SLCO1B1: variants seen among roughly 807,000 people sequenced by gnomAD.
SLCO1B1 encodes the protein solute carrier organic anion transporter family member 1B1, also known as OATP-2.
SLCO1B1 carries 81 observed loss-of-function variants against 70.1 expected under a neutral mutation model. The observed-to-expected ratio is 1.16, with a 90% CI of 0.97 to 1.39. The LOEUF is 1.39. SLCO1B1 is among the 40% of genes most tolerant of loss of function. SLCO1B1 has a pLI of 0.00. For missense variants in SLCO1B1, 895 were observed against 799.6 expected (o/e 1.12, Z -1.44); for synonymous variants, 283 against 271.5 (o/e 1.04, Z -0.42).
Position 21,174,507 on chromosome 12 carries a change from T to G in SLCO1B1, c.227-70T>G, listed in dbSNP as rs1355620025. 4.2e-5 allele frequency: 62 copies of G among 1,478,492 alleles called. 1 individual carries two copies. The Middle Eastern group carries it at 6.8e-4, about 16-fold the overall frequency. The allele number at this position is 1,478,492 out of a possible 1,614,324, so 91.6% of individuals were successfully genotyped here. The stretch of plus-strand genomic sequence containing the variant: ...ATGTCTTGGACTCTATTTGCATCCA[T>G]TCTGGGGTTTTCAATTCTAGACGCA... On this transcript the variant is annotated intron_variant, in intron 3 of 14. Coordinates refer to ENST00000256958, the MANE Select transcript of SLCO1B1 (RefSeq NM_006446.5).
intron 2 of SLCO1B1, among the ~76,000 whole-genome samples, chr12:21,151,767 A>G (rs1475568890): frequency 6.6e-6 from 1 of 152,130 alleles, no homozygotes; most frequent in African/African-American, 2.4e-5. Flanking sequence ...ATGGATAAAT[A>G]CACAGGGTAT....
intron 2 of SLCO1B1, among the ~76,000 whole-genome samples, chr12:21,169,723 T>C (rs1940734288): frequency 6.7e-6 from 1 of 148,356 alleles, no homozygotes; most frequent in Non-Finnish European, 1.5e-5. Context: ...TCATTTGTTT[T>C]TGGTCAGTTT....
At chr12:21,163,198 T>C (rs1940643195) in intron 2 of SLCO1B1, among the ~76,000 whole-genome samples, 1 of 152,180 alleles carries the variant, frequency 6.6e-6, no homozygotes, top group Admixed American at 6.5e-5. Context: ...CTTATTTTTA[T>C]ACCTTCTTTC....
intron 14 of SLCO1B1, among the ~76,000 whole-genome samples, chr12:21,234,402 C>T (rs1371141628): frequency 6.6e-6 from 1 of 152,162 alleles, no homozygotes; most frequent in African/African-American, 2.4e-5. Context: ...AGATGCATTA[C>T]TCCTAAATCA....
intron 4 of SLCO1B1, among the ~76,000 whole-genome samples, chr12:21,175,750 T>TAAAAAAATG (rs1555177472): frequency 1.3e-5 from 2 of 152,138 alleles, no homozygotes; most frequent in Non-Finnish European, 2.9e-5. Flanking sequence ...TTTTTTTTCA[T>TAAAAAAATG]CTGCTTTTGG....
chr12:21,226,855 T>C (rs1941487469), intron 14 of SLCO1B1, among the ~76,000 whole-genome samples: 1 of 152,124 alleles, frequency 6.6e-6, no homozygotes, highest in African/African-American at 2.4e-5. Flanking sequence ...ACAGTTTTTC[T>C]GTAAATCTAA....
intron 14 of SLCO1B1, among the ~76,000 whole-genome samples, chr12:21,233,571 C>CAAA (rs60313934): frequency 2.2e-5 from 3 of 137,618 alleles, no homozygotes; most frequent in African/African-American, 2.7e-5. Context: ...AACAAACAAA[C>CAAA]AAAAAAAAAA....
At chr12:21,159,164 C>T (rs1336013851) in intron 2 of SLCO1B1, among the ~76,000 whole-genome samples, 1 of 152,062 alleles carries the variant, frequency 6.6e-6, no homozygotes, top group East Asian at 1.9e-4. Flanking sequence ...TGCATTTTCT[C>T]AAAATACATT....
chr12:21,232,644 G>A (rs1438024113), intron 14 of SLCO1B1, among the ~76,000 whole-genome samples: 1 of 152,096 alleles, frequency 6.6e-6, no homozygotes, highest in East Asian at 1.9e-4. Flanking sequence ...TAAAGCCTAA[G>A]ACTAGTCTCA....
At chr12:21,207,357 A>C (rs1392875381) in intron 11 of SLCO1B1, among the ~76,000 whole-genome samples, 1 of 151,766 alleles carries the variant, frequency 6.6e-6, no homozygotes, top group Non-Finnish European at 1.5e-5. Flanking sequence ...GGACCCAGTG[A>C]TTAGCTTCCA....
chr12:21,165,519 A>G (rs1565670850), intron 2 of SLCO1B1, among the ~76,000 whole-genome samples: 1 of 152,172 alleles, frequency 6.6e-6, no homozygotes, highest in Non-Finnish European at 1.5e-5. Context: ...TCAAAGGGAT[A>G]AAAAAATACA....
At chr12:21,180,141 G>A (rs1261147875) in intron 7 of SLCO1B1, among the ~76,000 whole-genome samples, 2 of 152,012 alleles carry the variant, frequency 1.3e-5, no homozygotes, top group African/African-American at 4.8e-5. Flanking sequence ...AGTACCTAAA[G>A]CACAATATGT....
intron 2 of SLCO1B1, among the ~76,000 whole-genome samples, chr12:21,155,099 A>ATTTTTTTG (rs11385923): frequency 6.6e-6 from 1 of 151,142 alleles, no homozygotes; most frequent in African/African-American, 2.4e-5. Context: ...CTCAACCTGC[A>ATTTTTTTG]TTTTTTGTTT....
intron 14 of SLCO1B1, among the ~76,000 whole-genome samples, chr12:21,227,744 T>A (rs1941495994): frequency 2.6e-5 from 4 of 152,070 alleles, no homozygotes; most frequent in Admixed American, 1.3e-4. Flanking sequence ...GACCACAACT[T>A]CAAGTATTAA....
At chr12:21,216,983 G>A (rs1001947545) in intron 11 of SLCO1B1, 136 bp from the exon 12 acceptor site, 3 of 700,330 alleles carry the variant, frequency 4.3e-6, no homozygotes, top group Non-Finnish European at 7.4e-6. Context: ...TTAAGCAACT[G>A]TATTTTTAGA....
chr12:21,209,509 C>T (rs1323773931), intron 11 of SLCO1B1, among the ~76,000 whole-genome samples: 1 of 152,120 alleles, frequency 6.6e-6, no homozygotes, highest in Non-Finnish European at 1.5e-5. Flanking sequence ...AATAATGCCA[C>T]AATAAACATA....
chr12:21,190,207 A>C (rs1340234251), intron 7 of SLCO1B1, among the ~76,000 whole-genome samples: 1 of 152,224 alleles, frequency 6.6e-6, no homozygotes, highest in Admixed American at 6.5e-5. Context: ...TGTTGTCCAG[A>C]AACTGACCTT....
chr12:21,139,414 A>G (rs1940276417), intron 1 of SLCO1B1, among the ~76,000 whole-genome samples: 1 of 152,188 alleles, frequency 6.6e-6, no homozygotes, highest in Non-Finnish European at 1.5e-5. Context: ...GAGTTCACTT[A>G]GAGGTACACA....
intron 11 of SLCO1B1, among the ~76,000 whole-genome samples, chr12:21,214,965 G>A (rs1031434870): frequency 2.6e-5 from 4 of 151,966 alleles, no homozygotes; most frequent in African/African-American, 7.2e-5. Context: ...CCACTGTCTG[G>A]CACTCCCTAG....
Sources: allele counts gnomAD v4.1 joint callset (sites outside exome capture counted in the v4.1 genomes callset), GRCh38; gene constraint gnomAD v4.1.1; transcripts MANE v1.5; gene names NCBI Gene and HGNC (gene_info 2026-07-23, HGNC 2026-07-21).